Variants in DISP1 observed in about 807,000 individuals in gnomAD.
The protein encoded by DISP1 is dispatched RND transporter family member 1, also known as protein dispatched homolog 1.
In DISP1, 30 loss-of-function variants were observed where a neutral mutation model predicts 37.3. The ratio of observed to expected loss-of-function variants is 0.80; its 90% confidence interval spans 0.60 to 1.09. The LOEUF (loss-of-function observed/expected upper bound fraction) is 1.09. DISP1 is among the 50% of genes least tolerant of loss of function. The pLI, the probability that DISP1 is intolerant of heterozygous loss-of-function variation, is 0.00. For synonymous variants in DISP1, 634 were observed against 690.2 expected, an observed-to-expected ratio of 0.92 and a Z score of 1.28; for missense variants, 1,598 against 1,879.5, an observed-to-expected ratio of 0.85 and a Z score of 2.77.
At chr1:222,971,147 CAAT>C (rs1023842131) in intron 3 of DISP1, among the ~76,000 whole-genome samples, 1 of 151,872 alleles carries the variant, frequency 6.6e-6, no homozygotes, top group Non-Finnish European at 1.5e-5. Context: ...AAGCTTTTGA[CAAT>C]GATTTGAGTT....
At chr1:222,974,619 G>C (rs1020406099) in intron 3 of DISP1, among the ~76,000 whole-genome samples, 1 of 152,122 alleles carries the variant, frequency 6.6e-6, no homozygotes, top group Non-Finnish European at 1.5e-5. Context: ...CAACACTTTT[G>C]AGTCAGCATC....
chr1:222,860,191 G>C (rs921947329), intron 1 of DISP1, among the ~76,000 whole-genome samples: 3 of 152,172 alleles, frequency 2.0e-5, no homozygotes, highest in Admixed American at 6.5e-5. Context: ...CAAGTACTGG[G>C]ATTAAGGCAT....
chr1:222,832,291 T>C (rs1665953023), intron 1 of DISP1, among the ~76,000 whole-genome samples: 1 of 152,158 alleles, frequency 6.6e-6, no homozygotes, highest in Admixed American at 6.5e-5. Flanking sequence ...TACTACTTGT[T>C]GGCTTAATGA....
chr1:222,930,964 A>G (rs566369230), intron 2 of DISP1, among the ~76,000 whole-genome samples: 22 of 152,130 alleles, frequency 1.4e-4, no homozygotes, highest in African/African-American at 5.3e-4. Context: ...CTCATAGGAC[A>G]TTATTTGCTG....
At chr1:222,826,537 T>C (rs928320082) in intron 1 of DISP1, among the ~76,000 whole-genome samples, 1 of 151,814 alleles carries the variant, frequency 6.6e-6, no homozygotes, top group Non-Finnish European at 1.5e-5. Flanking sequence ...TGTGCCACCA[T>C]GCTCAGCTAA....
chr1:222,846,802 G>A (rs1173312495), intron 1 of DISP1, among the ~76,000 whole-genome samples: 2 of 152,242 alleles, frequency 1.3e-5, no homozygotes, highest in Non-Finnish European at 2.9e-5. Flanking sequence ...AGGACATTCT[G>A]TCCTTGTCCA....
chr1:222,819,242 A>G (rs1302615585), intron 1 of DISP1, among the ~76,000 whole-genome samples: 3 of 152,210 alleles, frequency 2.0e-5, no homozygotes, highest in Non-Finnish European at 2.9e-5. Context: ...AGGCTTCCCC[A>G]GCTATGCTTC....
intron 8 of DISP1, among the ~76,000 whole-genome samples, chr1:222,999,113 C>G (rs1193943169): frequency 6.6e-6 from 1 of 152,216 alleles, no homozygotes; most frequent in Admixed American, 6.5e-5. Context: ...CTGGTTTCTT[C>G]TTTTTCTCTC....
At chr1:222,829,493 G>A (rs61839591) in intron 1 of DISP1, among the ~76,000 whole-genome samples, 176 of 151,318 alleles carry the variant, frequency 1.2e-3, no homozygotes, top group Admixed American at 1.6e-3. Context: ...TGCCCAGGCT[G>A]GAGTGCAGTG....
At chr1:222,854,158 ACT>A (rs1335541151) in intron 1 of DISP1, among the ~76,000 whole-genome samples, 1 of 152,152 alleles carries the variant, frequency 6.6e-6, no homozygotes, top group Admixed American at 6.5e-5. Context: ...ATTTTTTATA[ACT>A]CTGTTTCCTT....
chr1:222,844,476 C>A (rs893168129), intron 1 of DISP1, among the ~76,000 whole-genome samples: 1 of 152,060 alleles, frequency 6.6e-6, no homozygotes, highest in Non-Finnish European at 1.5e-5. Flanking sequence ...AATGGATAGC[C>A]GATCCAGCCT....
At chr1:222,936,843 C>CACATATGTG (rs1558340164) in intron 2 of DISP1, among the ~76,000 whole-genome samples, 34 of 40,590 alleles carry the variant, frequency 8.4e-4, no homozygotes, top group African/African-American at 3.0e-3. Context: ...TTATATATAT[C>CACATATGTG]ATATATATGA....
At position 223,003,871 on chromosome 1, in the gene DISP1, C is replaced by T. The variant is rs1487376385; in HGVS notation, c.2474C>T (p.Ala825Val). 5 of 1,613,990 alleles carry T rather than the reference C, an allele frequency of 3.1e-6. No individual in the cohort carries two copies. The highest frequency in any genetic ancestry group is 4.2e-6 in the Non-Finnish European group (5 of 1,180,036). ...AACATCGCCAGCCCAGCTTCCCAGGCCTGGATTTTGCACTTCTGTCAAAAA... is the reference window on the plus strand; with the variant it reads ...AACATCGCCAGCCCAGCTTCCCAGGTCTGGATTTTGCACTTCTGTCAAAAA... The part of the protein sequence containing the change: ...SFNIASPASQ[A>V]WILHFCQKLR... The change falls in exon 9 of 9, where the codon GCC becomes GTC. Residue 825 changes from alanine to valine, a missense_variant. Coordinates refer to ENST00000675850, the MANE Select transcript of DISP1 (RefSeq NM_001377229.1). This position sits in a 1 kb window ranked among gnomAD's most constrained non-coding sequence, Gnocchi z 4.3.
At chr1:222,828,007 C>T (rs10495203) in intron 1 of DISP1, among the ~76,000 whole-genome samples, 123,135 of 152,150 alleles carry the variant, frequency 0.81, 50,192 homozygotes, top group African/African-American at 0.92. Flanking sequence ...ATGAAGAGGA[C>T]GGGAAAAGGT....
At chr1:222,856,711 T>G (rs1261550240) in intron 1 of DISP1, among the ~76,000 whole-genome samples, 3 of 150,154 alleles carry the variant, frequency 2.0e-5, no homozygotes, top group Non-Finnish European at 3.0e-5. Context: ...AATTCGTTTT[T>G]TTTTTTTTTT....
intron 1 of DISP1, among the ~76,000 whole-genome samples, chr1:222,894,308 T>C (rs1159759204): frequency 1.3e-5 from 2 of 152,158 alleles, no homozygotes; most frequent in Non-Finnish European, 2.9e-5. Flanking sequence ...TAAGTCACTT[T>C]AGTCCATCGC....
intron 1 of DISP1, among the ~76,000 whole-genome samples, chr1:222,913,060 A>T (rs533805704): frequency 6.6e-6 from 1 of 152,288 alleles, no homozygotes; most frequent in East Asian, 1.9e-4. Flanking sequence ...TCTTGAAAAA[A>T]CTTCTAATTA....
chr1:222,848,792 T>C (rs1279021627), intron 1 of DISP1, among the ~76,000 whole-genome samples: 2 of 152,134 alleles, frequency 1.3e-5, no homozygotes, highest in South Asian at 2.1e-4. Context: ...TGTATAGCAG[T>C]GTACTTAGTT....
intron 3 of DISP1, among the ~76,000 whole-genome samples, chr1:222,956,780 G>T (rs912766928): frequency 6.6e-6 from 1 of 151,928 alleles, no homozygotes; most frequent in Non-Finnish European, 1.5e-5. Context: ...AGTTTAATAA[G>T]ATTTTTCTGG....
Sources: allele counts gnomAD v4.1 joint callset (sites outside exome capture counted in the v4.1 genomes callset), GRCh38; gene constraint gnomAD v4.1.1; non-coding constraint Gnocchi (gnomAD v3.1); transcripts MANE v1.5; gene names NCBI Gene and HGNC (gene_info 2026-07-23, HGNC 2026-07-21).